NMNAT3: variants seen among roughly 807,000 people sequenced by gnomAD.
NMNAT3 encodes the protein nicotinamide/nicotinic acid mononucleotide adenylyltransferase 3.
In NMNAT3, 21 loss-of-function variants were observed where a neutral mutation model predicts 24.8. The observed-to-expected ratio is 0.85, with a 90% CI of 0.60 to 1.22. NMNAT3 has a LOEUF of 1.22. NMNAT3 is among the 50% of genes most tolerant of loss of function. The pLI is 0.00. For missense variants in NMNAT3, 387 were observed against 436.6 expected (o/e 0.89, Z 1.01); for synonymous variants, 136 against 155.2 (o/e 0.88, Z 0.92).
At chr3:139,655,451 G>A (rs1475834382) in intron 1 of NMNAT3, among the ~76,000 whole-genome samples, 1 of 152,166 alleles carries the variant, frequency 6.6e-6, no homozygotes, top group Non-Finnish European at 1.5e-5. Context: ...AAGTAAGTCT[G>A]CCTTCCCTTC....
At chr3:139,571,226 G>T (rs1025039220) in intron 6 of NMNAT3, 2 of 152,220 alleles carry the variant, frequency 1.3e-5, no homozygotes, top group Non-Finnish European at 2.9e-5. Context: ...GGAGTGACCC[G>T]ATTTTCCAGG....
At chr3:139,595,899 G>A (rs1192407917) in intron 3 of NMNAT3, among the ~76,000 whole-genome samples, 1 of 152,182 alleles carries the variant, frequency 6.6e-6, no homozygotes, top group Non-Finnish European at 1.5e-5. Flanking sequence ...ACATAGGCAT[G>A]GGCAAGGACT....
At chr3:139,620,419 C>A (rs1053125535) in intron 3 of NMNAT3, among the ~76,000 whole-genome samples, 4 of 152,088 alleles carry the variant, frequency 2.6e-5, no homozygotes, top group African/African-American at 4.8e-5. Context: ...AAACAGAATT[C>A]ATATACTATA....
chr3:139,577,585 CTT>C (rs1939525008), intron 5 of NMNAT3, among the ~76,000 whole-genome samples: 1 of 152,216 alleles, frequency 6.6e-6, no homozygotes. Flanking sequence ...GATCTATTCT[CTT>C]GCTTCTATTC....
chr3:139,590,976 C>T (rs1051911152), intron 3 of NMNAT3, among the ~76,000 whole-genome samples: 4 of 151,968 alleles, frequency 2.6e-5, no homozygotes, highest in South Asian at 4.2e-4. Context: ...CCAAGATGGC[C>T]GAATAGGAAC....
At chr3:139,576,618 C>T (rs140406376) in intron 5 of NMNAT3, among the ~76,000 whole-genome samples, 1 of 152,226 alleles carries the variant, frequency 6.6e-6, no homozygotes, top group Non-Finnish European at 1.5e-5. Flanking sequence ...GTGAGCTAGC[C>T]ATATATTAGA....
intron 1 of NMNAT3, among the ~76,000 whole-genome samples, chr3:139,652,878 C>A (rs2057101918): frequency 6.6e-6 from 1 of 152,144 alleles, no homozygotes; most frequent in East Asian, 1.9e-4. Flanking sequence ...TTTGGCTGTA[C>A]TTCTAGAAGT....
intron 2 of NMNAT3, chr3:139,637,536 C>T (rs2056546251): frequency 6.6e-6 from 1 of 152,210 alleles, no homozygotes; most frequent in Admixed American, 6.5e-5. Context: ...TCAGTCTCAG[C>T]CTTAGTGAAC....
intron 1 of NMNAT3, among the ~76,000 whole-genome samples, chr3:139,638,416 A>T (rs1576712497): frequency 1.3e-5 from 2 of 152,278 alleles, no homozygotes; most frequent in Admixed American, 6.5e-5. Flanking sequence ...AATATGCCAC[A>T]TTTAGTGTTG....
At chr3:139,673,070 C>T (rs1048449242) in intron 1 of NMNAT3, among the ~76,000 whole-genome samples, 2 of 152,166 alleles carry the variant, frequency 1.3e-5, no homozygotes, top group Non-Finnish European at 2.9e-5. Context: ...GACAGCAGAC[C>T]ACTAGCCACA....
intron 1 of NMNAT3, among the ~76,000 whole-genome samples, chr3:139,643,290 A>G (rs2056767067): frequency 6.6e-6 from 1 of 152,242 alleles, no homozygotes; most frequent in South Asian, 2.1e-4. Context: ...CAGCTGCTAT[A>G]GAAAACAGTA....
intron 6 of NMNAT3, among the ~76,000 whole-genome samples, chr3:139,563,372 C>T (rs966714838): frequency 3.3e-5 from 5 of 152,166 alleles, no homozygotes; most frequent in African/African-American, 1.2e-4. Flanking sequence ...CTATGATGTG[C>T]ATTTCATTCC....
intron 3 of NMNAT3, among the ~76,000 whole-genome samples, chr3:139,625,043 C>T (rs191896677): frequency 7.2e-5 from 11 of 152,240 alleles, no homozygotes; most frequent in Admixed American, 1.3e-4. Context: ...GTGCAAAAAG[C>T]GTATTACTTC....
chr3:139,599,336 G>A (rs1029164210), intron 3 of NMNAT3: 1 of 702,396 alleles, frequency 1.4e-6, no homozygotes, highest in African/African-American at 1.7e-5. Flanking sequence ...GCTGGGAGAA[G>A]CTTGGTGTTT....
chr3:139,585,604 C>A (rs550925075), intron 3 of NMNAT3, among the ~76,000 whole-genome samples: 1 of 152,316 alleles, frequency 6.6e-6, no homozygotes, highest in African/African-American at 2.4e-5. Flanking sequence ...ATTCCAGAGA[C>A]ACTTCATATT....
chr3:139,560,852 C>T lies in NMNAT3; in HGVS notation c.*158G>A. The T allele has an allele frequency of 1.5e-6, 1 of 683,446 alleles. No individual in the cohort carries two copies. Among genetic ancestry groups the T allele is most frequent in the Non-Finnish European group, 2.5e-6 (1 of 405,230 alleles). The allele number at this position is 683,446 out of a possible 1,614,324, so 42.3% of individuals were successfully genotyped here. On this transcript the variant is annotated 3_prime_UTR_variant, in exon 7 of 7. Coordinates refer to ENST00000643695, the MANE Select transcript of NMNAT3 (RefSeq NM_001320510.2). ...CTTTCCTCTCCTGTAAAGAAGGTAT[C>T]TCTTCCTGGGACAGAAGACTCCTCA...
chr3:139,676,633 G>A (rs941214225), intron 1 of NMNAT3, among the ~76,000 whole-genome samples: 1 of 152,208 alleles, frequency 6.6e-6, no homozygotes, highest in Non-Finnish European at 1.5e-5. Flanking sequence ...TGGCCCACCG[G>A]ACATGGGCTC....
At position 139,647,300 on chromosome 3, in the gene NMNAT3, C is replaced by A. The variant is rs149477020; in HGVS notation, c.-140-9238G>T. ...CTAGCTAAGTTTTCAATGTACAGAG[C>A]AAAATAACATCTATTTCTGCCTCCC... On this transcript the variant is annotated intron_variant, in intron 1 of 6. Coordinates refer to ENST00000643695, the MANE Select transcript of NMNAT3 (RefSeq NM_001320510.2). Among the ~76,000 whole-genome samples, 376 of 152,262 alleles carry A rather than the reference C, an allele frequency of 2.5e-3. 1 individual carries two copies. The highest frequency in any genetic ancestry group is 8.9e-3 in the African/African-American group (369 of 41,552).
chr3:139,631,459 G>C (rs2056293292), intron 2 of NMNAT3, among the ~76,000 whole-genome samples: 1 of 152,138 alleles, frequency 6.6e-6, no homozygotes, highest in Non-Finnish European at 1.5e-5. Flanking sequence ...ATAATATCTA[G>C]TGAGACGGAG....
Sources: gnomAD v4.1 joint callset for allele counts (sites outside exome capture counted in the v4.1 genomes callset) on GRCh38, gnomAD v4.1.1 for gene constraint, MANE v1.5 for transcripts, NCBI Gene and HGNC (gene_info 2026-07-23, HGNC 2026-07-21) for gene names.